CASZ1: variants seen among roughly 807,000 people sequenced by gnomAD.
CASZ1 encodes the protein castor zinc finger 1, also known as zinc finger protein castor homolog 1.
A neutral mutation model predicts 135.2 loss-of-function variants in CASZ1; 28 were observed. That is an observed-to-expected ratio of 0.21 (90% CI 0.15 to 0.28). The LOEUF (loss-of-function observed/expected upper bound fraction) is 0.28, where lower values mean the gene tolerates loss of function less well. CASZ1 is among the 10% of genes least tolerant of loss of function. CASZ1 has a pLI of 1.00. For missense variants in CASZ1, 2,161 were observed against 2,453.3 expected, an observed-to-expected ratio of 0.88 and a Z score of 2.52; for synonymous variants, 1,068 against 1,073.4, an observed-to-expected ratio of 0.99 and a Z score of 0.10.
rs140452028 is a variant in CASZ1, at chr1:10,770,261, C to T, written c.-233-9404G>A. ...CATCACGCCTGCCTAATTTCTGTAT[C>T]TTTTGTTGAGACAGGGTTTTGCCAT... On this transcript the variant is annotated intron_variant, in intron 1 of 20. Transcript: ENST00000377022. Among the ~76,000 whole-genome samples the T allele has an allele frequency of 9.5e-3, 1,436 of 151,926 alleles. 22 individuals carry two copies. Among genetic ancestry groups the T allele is most frequent in the African/African-American group, 0.033 (1,384 of 41,412 alleles).
At chr1:10,688,928 G>C (rs1638678427) in intron 4 of CASZ1, among the ~76,000 whole-genome samples, 1 of 152,116 alleles carries the variant, frequency 6.6e-6, no homozygotes, top group Non-Finnish European at 1.5e-5. Context: ...GCTTGCCGTG[G>C]GGACCCACGG....
At chr1:10,691,462 C>T (rs770818223) in intron 4 of CASZ1, among the ~76,000 whole-genome samples, 5 of 152,172 alleles carry the variant, frequency 3.3e-5, no homozygotes, top group Admixed American at 6.5e-5. Context: ...TGTCCGGGGC[C>T]GCGGGGATGT....
chr1:10,710,466 G>A (rs1434119140), intron 2 of CASZ1, among the ~76,000 whole-genome samples: 1 of 152,224 alleles, frequency 6.6e-6, no homozygotes, highest in Non-Finnish European at 1.5e-5. Context: ...CTCCCCAGGA[G>A]GAAGGGTCCA....
intron 11 of CASZ1, 155 bp from the exon 12 acceptor site, chr1:10,651,231 G>A (rs1227857428): frequency 8.4e-6 from 4 of 473,446 alleles, no homozygotes; most frequent in Non-Finnish European, 7.0e-6. Flanking sequence ...CGCGACGCTC[G>A]CTCCTGTGTG....
intron 4 of CASZ1, among the ~76,000 whole-genome samples, chr1:10,671,263 C>A (rs116550987): frequency 6.6e-6 from 1 of 152,190 alleles, no homozygotes; most frequent in Non-Finnish European, 1.5e-5. Context: ...AGAGTTACCA[C>A]CCAGGGGAGA....
At chr1:10,682,663 C>A (rs753251199) in intron 4 of CASZ1, among the ~76,000 whole-genome samples, 9 of 152,222 alleles carry the variant, frequency 5.9e-5, no homozygotes, top group East Asian at 1.9e-4. Flanking sequence ...ACCTTCCCTG[C>A]AAGGAGCCTG....
intron 20 of CASZ1, 81 bp from the exon 21 acceptor site, chr1:10,640,140 T>C: frequency 1.3e-6 from 2 of 1,518,266 alleles, no homozygotes; most frequent in Non-Finnish European, 1.8e-6. Context: ...ATGGGACCCC[T>C]GATCTGGCAT....
At chr1:10,645,414 C>T (rs1642338119) in intron 17 of CASZ1, among the ~76,000 whole-genome samples, 1 of 152,186 alleles carries the variant, frequency 6.6e-6, no homozygotes, top group African/African-American at 2.4e-5. Flanking sequence ...CCTGTAGTCC[C>T]AGCTACTCGG....
chr1:10,665,095 T>G lies in CASZ1; in HGVS notation c.493A>C (p.Arg165=). 8.0e-6 allele frequency: 12 copies of G among 1,505,914 alleles called. No homozygotes were observed. Among genetic ancestry groups the G allele is most frequent in the Non-Finnish European group, 1.1e-5 (12 of 1,127,404 alleles). 93.3% of individuals were successfully genotyped at this position (1,505,914 alleles called of 1,614,324 possible). A position where few individuals can be genotyped will look rare whatever the true frequency, so the allele number is the denominator to read the frequency against. The change falls in exon 5 of 21, where the codon AGG becomes CGG. Residue 165 remains arginine (R), a synonymous_variant. Transcript: ENST00000377022. ...ASKEDSGPST[R]QASGEASSLR... is the part of the protein sequence containing the mutation. The stretch of plus-strand genomic sequence containing the variant: ...GCCAGGCACCCACCTGAAGCCTGCC[T>G]GGTGCTGGGGCCGCTGTCCTCCTTG...
intron 4 of CASZ1, among the ~76,000 whole-genome samples, chr1:10,686,481 A>G (rs558914600): frequency 5.9e-5 from 9 of 152,174 alleles, no homozygotes; most frequent in East Asian, 3.9e-4. Flanking sequence ...TGCCCAGGGG[A>G]CCAAGGGCTG....
At chr1:10,790,162 C>T (rs1640930434) in intron 1 of CASZ1, among the ~76,000 whole-genome samples, 1 of 152,170 alleles carries the variant, frequency 6.6e-6, no homozygotes, top group Admixed American at 6.5e-5. Context: ...GACTTCTGGC[C>T]ATCTGGGACT....
rs1035465420 is a variant in CASZ1, at chr1:10,670,998, C to T, written c.17-5427G>A. On this transcript the variant is annotated intron_variant, in intron 4 of 20. Transcript: ENST00000377022. ...TCAGCCAGGGCCCGAGGGGTTCAGC[C>T]GGGTCCCCTGGCCCTCAACAGCTCC... Among the ~76,000 whole-genome samples the T allele has an allele frequency of 5.3e-5, 8 of 152,342 alleles. No homozygotes were observed. In the South Asian group the frequency reaches 8.3e-4, roughly 16 times the overall value.
chr1:10,730,432 G>A (rs1413558898), intron 2 of CASZ1, among the ~76,000 whole-genome samples: 1 of 152,242 alleles, frequency 6.6e-6, no homozygotes, highest in Non-Finnish European at 1.5e-5. Context: ...ATTCGGGGAG[G>A]ATGAAAGGGA....
chr1:10,754,600 A>G (rs1043812274), intron 2 of CASZ1, among the ~76,000 whole-genome samples: 5 of 152,006 alleles, frequency 3.3e-5, no homozygotes, highest in Non-Finnish European at 1.5e-5. Flanking sequence ...CGTCCTAAGC[A>G]TTTTCACTAG....
intron 15 of CASZ1, chr1:10,648,513 G>A (rs370920556): frequency 1.6e-4 from 36 of 232,080 alleles, no homozygotes; most frequent in East Asian, 1.3e-3. Context: ...CGCGGGCTAC[G>A]GCCGAGGGTG....
At chr1:10,765,514 G>T (rs966436263) in intron 1 of CASZ1, among the ~76,000 whole-genome samples, 1 of 152,118 alleles carries the variant, frequency 6.6e-6, no homozygotes, top group African/African-American at 2.4e-5. Flanking sequence ...CGACGGGTAC[G>T]CCCAACGCAG....
At chr1:10,745,951 TC>T (rs1157644826) in intron 2 of CASZ1, among the ~76,000 whole-genome samples, 2 of 152,182 alleles carry the variant, frequency 1.3e-5, no homozygotes. Context: ...GCTGGCTTCC[TC>T]CCGCCCTGGG....
At position 10,666,223 on chromosome 1, in the gene CASZ1, A is replaced by G. The variant is rs1643229532; in HGVS notation, c.17-652T>C. On this transcript the variant is annotated intron_variant, in intron 4 of 20. Coordinates refer to ENST00000377022, the MANE Select transcript of CASZ1 (RefSeq NM_001079843.3). This position sits in a 1 kb window ranked among gnomAD's most constrained non-coding sequence, Gnocchi z 5.2. The stretch of plus-strand genomic sequence containing the variant: ...CTACCTGACTCCAACCCTGCTCAGC[A>G]GAGAGCAGAGATCTCCTTTTCTCCC... 1.3e-5 allele frequency among the ~76,000 whole-genome samples: 2 copies of G among 152,130 alleles called. No homozygotes were observed. Among genetic ancestry groups the G allele is most frequent in the African/African-American group, 2.4e-5 (1 of 41,424 alleles).
intron 3 of CASZ1, among the ~76,000 whole-genome samples, chr1:10,702,590 C>T (rs996551845): frequency 6.6e-6 from 1 of 152,038 alleles, no homozygotes; most frequent in Non-Finnish European, 1.5e-5. Context: ...TGGCAATGAC[C>T]CGGGCCAGGG....
Sources: gnomAD v4.1 joint callset for allele counts (sites outside exome capture counted in the v4.1 genomes callset) on GRCh38, gnomAD v4.1.1 for gene constraint, Gnocchi (gnomAD v3.1) non-coding constraint, MANE v1.5 for transcripts, NCBI Gene and HGNC (gene_info 2026-07-23, HGNC 2026-07-21) for gene names.